Variants in GHR observed in about 807,000 individuals in gnomAD.
The protein encoded by GHR is GH receptor.
A neutral mutation model predicts 67.1 loss-of-function variants in GHR; 35 were observed. The observed-to-expected ratio is 0.52, with a 90% CI of 0.40 to 0.69. GHR has a LOEUF of 0.69. Among genes scored for constraint, GHR ranks in the 30% least tolerant of loss-of-function variants. GHR has a pLI of 0.00. For synonymous variants in GHR, 272 were observed against 269.1 expected (o/e 1.01, Z -0.10); for missense variants, 792 against 764.6 (o/e 1.04, Z -0.42).
Position 42,566,119 on chromosome 5 carries a change from T to C in GHR, c.70+175T>C, listed in dbSNP as rs35756847. ...AACTAGTAGGACTTTTCTGTGGATG[T>C]TTAGGAGGAATGCAGTAGTCAGTCA... is the stretch of plus-strand genomic sequence containing the variant. On this transcript the variant is annotated intron_variant, in intron 2 of 9. Transcript: ENST00000230882. Among the ~76,000 whole-genome samples the C allele has an allele frequency of 3.9e-5, 6 of 152,278 alleles. No individual in the cohort carries two copies. The East Asian group carries it at 1.2e-3, about 29-fold the overall frequency.
intron 3 of GHR, among the ~76,000 whole-genome samples, chr5:42,631,572 G>T (rs1299843745): frequency 6.6e-6 from 1 of 152,178 alleles, no homozygotes; most frequent in East Asian, 1.9e-4. Flanking sequence ...TCAGTCTTTA[G>T]CTGTGTGCCC....
At chr5:42,564,290 CTCACAA>C (rs1749803953) in intron 1 of GHR, among the ~76,000 whole-genome samples, 1 of 132,540 alleles carries the variant, frequency 7.5e-6, no homozygotes, top group South Asian at 2.4e-4. Flanking sequence ...TATTTGAAAT[CTCACAA>C]AGTGTGAGAT....
Position 42,426,769 on chromosome 5 carries a change from A to C in GHR, c.-12+2814A>C, listed in dbSNP as rs188059158. 1.3e-3 allele frequency among the ~76,000 whole-genome samples: 193 copies of C among 152,258 alleles called. 7 individuals carry two copies. The East Asian group carries it at 0.034, about 27-fold the overall frequency. The stretch of plus-strand genomic sequence containing the variant: ...GTACAGAATGTCTTTCTGGCAAGTA[A>C]TTTTTTTCAACCTGAAACAGATAAT... On this transcript the variant is annotated intron_variant, in intron 1 of 9. Transcript: ENST00000230882.
At chr5:42,535,748 A>T (rs1748228622) in intron 1 of GHR, among the ~76,000 whole-genome samples, 1 of 152,150 alleles carries the variant, frequency 6.6e-6, no homozygotes, top group Admixed American at 6.6e-5. Flanking sequence ...TGCTTTTGGC[A>T]GTGTGATCGT....
chr5:42,524,476 A>G (rs1245411265), intron 1 of GHR, among the ~76,000 whole-genome samples: 1 of 152,230 alleles, frequency 6.6e-6, no homozygotes, highest in Non-Finnish European at 1.5e-5. Context: ...CTTGGGTGCC[A>G]TTAAAAGCAT....
intron 1 of GHR, among the ~76,000 whole-genome samples, chr5:42,448,051 C>T (rs910972499): frequency 2.6e-5 from 4 of 152,044 alleles, no homozygotes; most frequent in African/African-American, 9.7e-5. Context: ...CATGAGTCAC[C>T]ATGCCCCGCA....
chr5:42,455,415 A>G (rs963216128), intron 1 of GHR, among the ~76,000 whole-genome samples: 6 of 152,190 alleles, frequency 3.9e-5, no homozygotes, highest in African/African-American at 9.6e-5. Flanking sequence ...GCTATCTGCC[A>G]TCTTTCTTCT....
At chr5:42,612,385 T>C (rs533156623) in intron 2 of GHR, among the ~76,000 whole-genome samples, 26 of 152,270 alleles carry the variant, frequency 1.7e-4, no homozygotes, top group African/African-American at 6.0e-4. Context: ...ATATGCATAA[T>C]TAAGTTTTAG....
intron 1 of GHR, among the ~76,000 whole-genome samples, chr5:42,469,885 T>G (rs1026403676): frequency 6.6e-6 from 1 of 152,120 alleles, no homozygotes; most frequent in African/African-American, 2.4e-5. Context: ...CTAGGGACAC[T>G]TAACGGAGTG....
chr5:42,583,294 T>C (rs1579992591), intron 2 of GHR, among the ~76,000 whole-genome samples: 2 of 152,198 alleles, frequency 1.3e-5, no homozygotes, highest in East Asian at 3.8e-4. Context: ...ATTTCTGTCT[T>C]CACTTAGAAA....
intron 2 of GHR, 59 bp downstream of exon 2, chr5:42,566,003 C>A (rs1393900571): frequency 1.9e-6 from 3 of 1,586,394 alleles, no homozygotes; most frequent in Admixed American, 1.7e-5. Context: ...GAACTGTATT[C>A]GCTACATCCA....
At chr5:42,502,797 TTTA>T (rs1033485128) in intron 1 of GHR, among the ~76,000 whole-genome samples, 1 of 148,072 alleles carries the variant, frequency 6.8e-6, no homozygotes, top group African/African-American at 2.4e-5. Flanking sequence ...TAAAATATAT[TTTA>T]TTATTTTTAT....
At chr5:42,443,132 A>G (rs1215297536) in intron 1 of GHR, among the ~76,000 whole-genome samples, 1 of 152,222 alleles carries the variant, frequency 6.6e-6, no homozygotes, top group Non-Finnish European at 1.5e-5. Context: ...TTGAGTTTCT[A>G]AAAGGGGACT....
chr5:42,461,230 C>A (rs142704138), intron 1 of GHR, among the ~76,000 whole-genome samples: 2 of 152,308 alleles, frequency 1.3e-5, no homozygotes, highest in East Asian at 3.9e-4. Context: ...CTTTGCCCTC[C>A]TCAACCCTAA....
chr5:42,567,514 T>C (rs1404831703), intron 2 of GHR, among the ~76,000 whole-genome samples: 1 of 152,146 alleles, frequency 6.6e-6, no homozygotes, highest in Non-Finnish European at 1.5e-5. Context: ...TATAAGCAAA[T>C]GCAATAGTTT....
At position 42,595,945 on chromosome 5, in the gene GHR, G is replaced by A. The variant is rs145018144; in HGVS notation, c.70+30001G>A. 4.4e-3 allele frequency among the ~76,000 whole-genome samples: 665 copies of A among 152,332 alleles called. 4 individuals carry two copies. Among genetic ancestry groups the A allele is most frequent in the African/African-American group, 0.015 (643 of 41,566 alleles). On this transcript the variant is annotated intron_variant, in intron 2 of 9. Coordinates refer to ENST00000230882, the MANE Select transcript of GHR (RefSeq NM_000163.5). ...GGCAGCTGAGGGATAGGTGCTCTTG[G>A]AAAGTGGAGTAACCATTTCCAATTA...
chr5:42,566,781 A>G (rs962524937), intron 2 of GHR, among the ~76,000 whole-genome samples: 3 of 152,052 alleles, frequency 2.0e-5, no homozygotes, highest in African/African-American at 7.3e-5. Flanking sequence ...TGTTGCTTTA[A>G]GAGTGTCAGA....
intron 1 of GHR, among the ~76,000 whole-genome samples, chr5:42,458,907 T>C (rs1347945743): frequency 6.6e-6 from 1 of 152,104 alleles, no homozygotes; most frequent in Non-Finnish European, 1.5e-5. Context: ...CTAATCATTA[T>C]GGAAATGCAA....
intron 1 of GHR, among the ~76,000 whole-genome samples, chr5:42,473,489 T>C (rs1037326637): frequency 5.3e-5 from 8 of 152,242 alleles, no homozygotes; most frequent in Non-Finnish European, 1.0e-4. Flanking sequence ...GGTGAATTCA[T>C]GGCAGTGAAC....
Sources: allele counts gnomAD v4.1 joint callset (sites outside exome capture counted in the v4.1 genomes callset), GRCh38; gene constraint gnomAD v4.1.1; transcripts MANE v1.5; gene names NCBI Gene and HGNC (gene_info 2026-07-23, HGNC 2026-07-21).